YTHDF3: variants seen among roughly 807,000 people sequenced by gnomAD.
YTHDF3 encodes YTH domain-containing family protein 3.
Under a neutral mutation model 52.5 loss-of-function variants are expected in YTHDF3, and 9 were observed. The observed-to-expected ratio is 0.17, with a 90% CI of 0.10 to 0.30. The LOEUF is 0.30. Ranked by LOEUF, YTHDF3 falls within the 10% of genes least tolerant of loss-of-function variation. YTHDF3 has a pLI of 1.00. For missense variants in YTHDF3, 534 were observed against 715.0 expected (o/e 0.75, Z 2.89); for synonymous variants, 274 against 243.3 (o/e 1.13, Z -1.18).
Position 63,192,265 on chromosome 8 carries a change from A to C in YTHDF3, c.1734+4520A>C, listed in dbSNP as rs1159661504. On this transcript the variant is annotated intron_variant, in intron 4 of 4. Transcript: ENST00000539294. Reference sequence around the variant, plus strand: ...TGGGCTTTTTGTGTTTAGTCATTGAACCAGTAAGAGAATCATTGAGTTCAG... The same window carrying C: ...TGGGCTTTTTGTGTTTAGTCATTGACCCAGTAAGAGAATCATTGAGTTCAG... Among the ~76,000 whole-genome samples the C allele has an allele frequency of 2.0e-5, 3 of 152,214 alleles. No individual in the cohort carries two copies. The East Asian group carries it at 5.8e-4, about 29-fold the overall frequency.
chr8:63,193,451 A>G (rs950691717), intron 4 of YTHDF3, among the ~76,000 whole-genome samples: 2 of 151,620 alleles, frequency 1.3e-5, no homozygotes, highest in African/African-American at 2.4e-5. Context: ...TTAACTGACT[A>G]AAGATTTTTA....
intron 4 of YTHDF3, among the ~76,000 whole-genome samples, chr8:63,195,364 G>A (rs1275910160): frequency 6.6e-6 from 1 of 152,178 alleles, no homozygotes; most frequent in Non-Finnish European, 1.5e-5. Context: ...GGATTCCTGT[G>A]TAAAAAGAAC....
chr8:63,184,541 G>T (rs1276170784), intron 3 of YTHDF3, among the ~76,000 whole-genome samples: 1 of 152,156 alleles, frequency 6.6e-6, no homozygotes, highest in Non-Finnish European at 1.5e-5. Flanking sequence ...AAAACAAGTA[G>T]CTTAGTAATA....
At chr8:63,177,667 C>A (rs1807788352) in intron 3 of YTHDF3, among the ~76,000 whole-genome samples, 2 of 151,708 alleles carry the variant, frequency 1.3e-5, no homozygotes, top group Non-Finnish European at 2.9e-5. Context: ...GTTTTTTTTG[C>A]TACTTGATTT....
intron 3 of YTHDF3, among the ~76,000 whole-genome samples, chr8:63,177,880 C>T (rs924628650): frequency 4.0e-5 from 6 of 151,882 alleles, no homozygotes; most frequent in Non-Finnish European, 2.9e-5. Context: ...GCCTCAGCCT[C>T]CCAAGTAGCT....
intron 3 of YTHDF3, among the ~76,000 whole-genome samples, chr8:63,185,711 G>C (rs993749193): frequency 6.6e-6 from 1 of 152,018 alleles, no homozygotes; most frequent in Admixed American, 6.6e-5. Flanking sequence ...TCTATTATTC[G>C]GCAGAGTTGT....
intron 4 of YTHDF3, among the ~76,000 whole-genome samples, chr8:63,201,142 G>T (rs905278449): frequency 5.9e-5 from 9 of 152,192 alleles, no homozygotes; most frequent in African/African-American, 2.2e-4. Flanking sequence ...AATTAGATAT[G>T]TTGAAGTGTC....
At chr8:63,200,170 T>C (rs1809507370) in intron 4 of YTHDF3, among the ~76,000 whole-genome samples, 2 of 152,174 alleles carry the variant, frequency 1.3e-5, no homozygotes, top group African/African-American at 2.4e-5. Flanking sequence ...TCAAGCGTTG[T>C]TGGACTAAGA....
intron 4 of YTHDF3, among the ~76,000 whole-genome samples, chr8:63,197,037 G>A (rs571373777): frequency 5.3e-5 from 8 of 152,112 alleles, no homozygotes; most frequent in East Asian, 1.9e-4. Flanking sequence ...TACTTAATTC[G>A]CATTATGGTC....
intron 3 of YTHDF3, among the ~76,000 whole-genome samples, chr8:63,182,996 A>AC (rs1222305378): frequency 7.0e-6 from 1 of 143,784 alleles, no homozygotes; most frequent in Non-Finnish European, 1.5e-5. Context: ...CTCGCTTGTC[A>AC]CCCAGGCTGG....
At chr8:63,178,127 C>T (rs1204334690) in intron 3 of YTHDF3, among the ~76,000 whole-genome samples, 1 of 152,186 alleles carries the variant, frequency 6.6e-6, no homozygotes. Flanking sequence ...CCTGAGTAAT[C>T]TTCTTGCATG....
At chr8:63,172,625 G>T in intron 2 of YTHDF3, 1 of 418,834 alleles carries the variant, frequency 2.4e-6, no homozygotes, top group Non-Finnish European at 4.1e-6. Flanking sequence ...GAGATAGCGG[G>T]TATATGGTAT....
At chr8:63,173,725 T>C in intron 2 of YTHDF3, 1 of 981,042 alleles carries the variant, frequency 1.0e-6, no homozygotes, top group Non-Finnish European at 1.2e-6. Flanking sequence ...CCCAGCCTTA[T>C]AATGGCACTA....
chr8:63,179,906 T>A (rs1807973568), intron 3 of YTHDF3, among the ~76,000 whole-genome samples: 1 of 147,982 alleles, frequency 6.8e-6, no homozygotes, highest in Admixed American at 6.7e-5. Context: ...GCTCCTCACT[T>A]CCCAGTAGGG....
At chr8:63,170,669 C>G (rs1807263461) in intron 2 of YTHDF3, among the ~76,000 whole-genome samples, 1 of 152,004 alleles carries the variant, frequency 6.6e-6, no homozygotes, top group African/African-American at 2.4e-5. Flanking sequence ...CTAGTCTACC[C>G]ATTAGGAACT....
chr8:63,207,103 T>C (rs1810084140), intron 4 of YTHDF3, among the ~76,000 whole-genome samples: 1 of 152,206 alleles, frequency 6.6e-6, no homozygotes, highest in Non-Finnish European at 1.5e-5. Flanking sequence ...TCCTTGTACT[T>C]GACAACTTAC....
intron 3 of YTHDF3, among the ~76,000 whole-genome samples, chr8:63,176,966 A>G (rs1225498902): frequency 6.6e-6 from 1 of 152,230 alleles, no homozygotes; most frequent in Non-Finnish European, 1.5e-5. Flanking sequence ...AGCATGAGCC[A>G]CCGTGCCCAG....
chr8:63,169,575 G>A (rs775312928), intron 2 of YTHDF3, 164 bp downstream of exon 2: 2 of 715,336 alleles, frequency 2.8e-6, no homozygotes, highest in East Asian at 2.7e-5. Context: ...CCAGAACTTC[G>A]GTAGTTCGTT....
intron 3 of YTHDF3, among the ~76,000 whole-genome samples, chr8:63,182,404 GAAA>G (rs1808203204): frequency 1.3e-5 from 2 of 151,770 alleles, no homozygotes; most frequent in South Asian, 4.2e-4. Context: ...GTTGCTAAAA[GAAA>G]AAAACCCAAA....
Sources: gnomAD v4.1 joint callset for allele counts (sites outside exome capture counted in the v4.1 genomes callset) on GRCh38, gnomAD v4.1.1 for gene constraint, MANE v1.5 for transcripts, NCBI Gene and HGNC (gene_info 2026-07-23, HGNC 2026-07-21) for gene names.